Variants in CPNE2 observed in about 807,000 individuals in gnomAD.
CPNE2 encodes the protein copine 2.
A neutral mutation model predicts 69.7 loss-of-function variants in CPNE2; 42 were observed. The ratio of observed to expected loss-of-function variants is 0.60; its 90% CI spans 0.47 to 0.78. CPNE2 has a LOEUF of 0.78. CPNE2 is among the 30% of genes least tolerant of loss of function. The pLI is 0.00. For missense variants in CPNE2, 587 were observed against 732.0 expected (o/e 0.80, Z 2.29); for synonymous variants, 294 against 289.8 (o/e 1.01, Z -0.15).
chr16:57,122,837 C>A (rs1190980037), intron 9 of CPNE2, among the ~76,000 whole-genome samples: 7 of 152,018 alleles, frequency 4.6e-5, no homozygotes, highest in African/African-American at 1.7e-4. Flanking sequence ...AAGTGATTTG[C>A]CTGCCTTGGC....
intron 6 of CPNE2, 43 bp from the exon 7 acceptor site, chr16:57,119,518 C>T: frequency 6.5e-7 from 1 of 1,538,400 alleles, no homozygotes; most frequent in Non-Finnish European, 8.9e-7. Flanking sequence ...CAGAGCACTG[C>T]TGCCCAGGGC....
intron 12 of CPNE2, chr16:57,129,157 G>A (rs1242401570): frequency 6.5e-6 from 1 of 152,954 alleles, no homozygotes; most frequent in Non-Finnish European, 1.5e-5. Flanking sequence ...AGAGGTGGGT[G>A]ATAGACCCTC....
At chr16:57,135,343 AGAG>A (rs1156606834) in intron 13 of CPNE2, among the ~76,000 whole-genome samples, 3 of 152,120 alleles carry the variant, frequency 2.0e-5, no homozygotes, top group African/African-American at 7.2e-5. Context: ...CCTGGGCCTA[AGAG>A]GATTTCTGAG....
At chr16:57,115,578 C>T in intron 4 of CPNE2, 28 bp downstream of exon 4, 1 of 1,508,038 alleles carries the variant, frequency 6.6e-7, no homozygotes, top group Non-Finnish European at 9.2e-7. Context: ...GCTCTCCGCA[C>T]CCCCTCCATC....
At chr16:57,105,185 CAT>C (rs1388185345) in intron 1 of CPNE2, among the ~76,000 whole-genome samples, 1 of 152,066 alleles carries the variant, frequency 6.6e-6, no homozygotes, top group Non-Finnish European at 1.5e-5. Context: ...GCTGGGCTGA[CAT>C]AGTGGAAGTG....
chr16:57,126,048 G>T, intron 11 of CPNE2, 55 bp downstream of exon 11: 1 of 1,603,958 alleles, frequency 6.2e-7, no homozygotes, highest in Admixed American at 1.7e-5. Context: ...AACCTGGGAA[G>T]CTCAGTGTAT....
Position 57,147,657 on chromosome 16 carries a change from G to A in CPNE2, c.1646G>A (p.Ter549=), listed in dbSNP as rs2069969993. 1 of 1,597,040 alleles carries A rather than the reference G, an allele frequency of 6.3e-7. No homozygotes were observed. The highest frequency in any genetic ancestry group is 1.1e-5 in the South Asian group (1 of 88,968). The change falls in exon 16 of 16, where the codon TGA becomes TAA. Residue 549 remains the stop codon, a stop_retained_variant. Coordinates refer to ENST00000290776, the MANE Select transcript of CPNE2 (RefSeq NM_152727.6). ...CCCCCCACCAACTCGGAGCCCGCCT[G>A]AGCTCCAGTGCCCAGCAGCAGCATG... ...NLPPTNSEPA[*]
intron 1 of CPNE2, among the ~76,000 whole-genome samples, chr16:57,110,224 C>CTTTTTTT (rs145923720): frequency 8.4e-6 from 1 of 119,060 alleles, no homozygotes; most frequent in African/African-American, 3.1e-5. Context: ...CTTTTCTTTT[C>CTTTTTTT]TTTTTTTTTT....
chr16:57,093,932 C>A, intron 1 of CPNE2: 1 of 410,244 alleles, frequency 2.4e-6, no homozygotes, highest in Non-Finnish European at 4.9e-6. Flanking sequence ...GGGTCTGAAC[C>A]CCACCTATGA....
At chr16:57,106,350 T>C (rs2069648773) in intron 1 of CPNE2, among the ~76,000 whole-genome samples, 1 of 152,002 alleles carries the variant, frequency 6.6e-6, no homozygotes, top group Non-Finnish European at 1.5e-5. Flanking sequence ...GCCCACGCCC[T>C]CAGTCAGGCT....
intron 3 of CPNE2, among the ~76,000 whole-genome samples, chr16:57,114,960 A>AAAAAAAG (rs2069707910): frequency 6.7e-6 from 1 of 149,856 alleles, no homozygotes; most frequent in South Asian, 2.1e-4. Flanking sequence ...AAAAAAAAAA[A>AAAAAAAG]GCCAGGCGTG....
chr16:57,119,759 A>G (rs2069747800), intron 7 of CPNE2, 109 bp downstream of exon 7: 2 of 680,176 alleles, frequency 2.9e-6, no homozygotes, highest in Non-Finnish European at 5.0e-6. Context: ...TACAAGTGGA[A>G]CGAACCCCCA....
chr16:57,125,531 C>CT, intron 10 of CPNE2: 2 of 394,178 alleles, frequency 5.1e-6, no homozygotes, highest in South Asian at 4.0e-5. Context: ...CAGAGCGAAG[C>CT]TTATGAATAA....
At chr16:57,109,143 C>T (rs543664125) in intron 1 of CPNE2, among the ~76,000 whole-genome samples, 1 of 152,248 alleles carries the variant, frequency 6.6e-6, no homozygotes, top group South Asian at 2.1e-4. Context: ...AGAAGAAATT[C>T]AGGACGAGTC....
Position 57,094,759 on chromosome 16 carries a change from C to T in CPNE2, c.-36+1969C>T, listed in dbSNP as rs1300554043. Among the ~76,000 whole-genome samples the T allele has an allele frequency of 2.0e-5, 3 of 152,128 alleles. No homozygotes were observed. In the East Asian group the frequency reaches 5.8e-4, roughly 29 times the overall value. On this transcript the variant is annotated intron_variant, in intron 1 of 15. Coordinates refer to ENST00000290776, the MANE Select transcript of CPNE2 (RefSeq NM_152727.6). ...GGTTGTCTCAGGCCAGCTTGCTCCT[C>T]CCCCTCCCGTCAGGACTTCTGGGCT...
chr16:57,124,320 G>C (rs989017443), intron 10 of CPNE2: 1 of 444,288 alleles, frequency 2.3e-6, no homozygotes, highest in Admixed American at 2.4e-5. Context: ...GGGCTCAAGC[G>C]ATCTGCCCAC....
chr16:57,101,978 A>C (rs1597489715), intron 1 of CPNE2, among the ~76,000 whole-genome samples: 2 of 145,358 alleles, frequency 1.4e-5, no homozygotes, highest in African/African-American at 2.6e-5. Flanking sequence ...ACAGGGTCTC[A>C]CTCTGTTGCC....
chr16:57,103,050 G>A (rs1246784282), intron 1 of CPNE2, among the ~76,000 whole-genome samples: 1 of 152,086 alleles, frequency 6.6e-6, no homozygotes, highest in Non-Finnish European at 1.5e-5. Flanking sequence ...CTAATGCCTG[G>A]TACTGACCGT....
intron 5 of CPNE2, among the ~76,000 whole-genome samples, chr16:57,118,073 C>A (rs1280301852): frequency 6.6e-6 from 1 of 152,216 alleles, no homozygotes. Flanking sequence ...CCCACATCAC[C>A]TCCTCAACGA....
Sources: allele counts gnomAD v4.1 joint callset (sites outside exome capture counted in the v4.1 genomes callset), GRCh38; gene constraint gnomAD v4.1.1; transcripts MANE v1.5; gene names NCBI Gene and HGNC (gene_info 2026-07-23, HGNC 2026-07-21).